KDM6A: variants seen among roughly 807,000 people sequenced by gnomAD.
KDM6A encodes the protein lysine demethylase 6A, also known as lysine-specific demethylase 6A.
A neutral mutation model predicts 117.6 loss-of-function variants in KDM6A; 11 were observed. That is an observed-to-expected ratio of 0.09 (90% confidence interval 0.06 to 0.15). The LOEUF (loss-of-function observed/expected upper bound fraction) is 0.15, where lower values mean the gene tolerates loss of function less well. KDM6A is among the 10% of genes least tolerant of loss of function. The pLI, the probability that KDM6A is intolerant of heterozygous loss-of-function variation, is 1.00. For missense variants in KDM6A, 799 were observed against 1,077.3 expected, an observed-to-expected ratio of 0.74 and a Z score of 3.62; for synonymous variants, 384 against 396.1, an observed-to-expected ratio of 0.97 and a Z score of 0.36.
rs2046772552 is a variant in KDM6A, at chrX:45,111,698, A to G, written c.*287A>G. 7.3e-6 allele frequency: 2 copies of G among 272,269 alleles called. No homozygotes were observed. Among genetic ancestry groups the G allele is most frequent in the Admixed American group, 5.7e-5 (1 of 17,415 alleles). The allele number at this position is 272,269 out of a possible 1,213,427, so 22.4% of individuals were successfully genotyped here. A position where few individuals can be genotyped will look rare whatever the true frequency, so the allele number is the denominator to read the frequency against. On this transcript the variant is annotated 3_prime_UTR_variant, in exon 30 of 30. Transcript: ENST00000611820. ...CTTACAGACTACTGACTTGAAGACA[A>G]CCTCTTTTATATTTCTCTATTTCTG...
chrX:45,021,818 G>T (rs1414531965), intron 6 of KDM6A, among the ~76,000 whole-genome samples: 2 of 111,777 alleles, frequency 1.8e-5, no homozygotes, highest in African/African-American at 6.5e-5. Context: ...CAGGGTAAGT[G>T]CAGGGTGCAG....
At chrX:44,932,687 C>T (rs1007632345) in intron 2 of KDM6A, among the ~76,000 whole-genome samples, 2 of 110,667 alleles carry the variant, frequency 1.8e-5, no homozygotes, top group South Asian at 3.8e-4. Flanking sequence ...ATTTATTAAG[C>T]CCCTTATTCA....
chrX:44,923,637 C>T (rs746405754), intron 2 of KDM6A, among the ~76,000 whole-genome samples: 2 of 104,408 alleles, frequency 1.9e-5, no homozygotes, highest in Non-Finnish European at 3.9e-5. Context: ...CTACACTTCC[C>T]GGGTTTGAGC....
intron 2 of KDM6A, among the ~76,000 whole-genome samples, chrX:44,874,364 A>G (rs2031246288): frequency 9.0e-6 from 1 of 111,274 alleles, no homozygotes; most frequent in Admixed American, 9.6e-5. Flanking sequence ...ACTTGCCTCT[A>G]CGGGTTTAAA....
chrX:44,965,529 A>G (rs2038964006), intron 3 of KDM6A, among the ~76,000 whole-genome samples: 1 of 111,681 alleles, frequency 9.0e-6, no homozygotes, highest in African/African-American at 3.3e-5. Flanking sequence ...CAATGTTGTC[A>G]TGTATTAGGG....
chrX:45,030,193 A>AT (rs775083717), intron 6 of KDM6A, among the ~76,000 whole-genome samples: 2 of 109,856 alleles, frequency 1.8e-5, no homozygotes, highest in Admixed American at 1.9e-4. Context: ...TACCTGAGGG[A>AT]TATCAGATAT....
chrX:44,932,819 G>A (rs975469863), intron 2 of KDM6A, among the ~76,000 whole-genome samples: 8 of 111,002 alleles, frequency 7.2e-5, no homozygotes, highest in African/African-American at 1.3e-4. Flanking sequence ...GCAGTTTTTC[G>A]TAGTCTCAGA....
At chrX:45,097,719 G>T (rs1236537707) in intron 27 of KDM6A, among the ~76,000 whole-genome samples, 1 of 111,630 alleles carries the variant, frequency 9.0e-6, no homozygotes, top group East Asian at 2.8e-4. Context: ...AAGCAAATCA[G>T]TATCACTCTT....
chrX:45,077,029 G>C (rs1326900709), intron 19 of KDM6A, among the ~76,000 whole-genome samples: 1 of 110,754 alleles, frequency 9.0e-6, no homozygotes, highest in African/African-American at 3.3e-5. Flanking sequence ...TATTAACTGT[G>C]ATGATATTAG....
intron 27 of KDM6A, chrX:45,106,741 CTAAGTA>C (rs1413372493): frequency 6.8e-6 from 2 of 293,614 alleles, no homozygotes; most frequent in Non-Finnish European, 6.7e-6. Flanking sequence ...TGTTAGCATC[CTAAGTA>C]TGAGTTTAGA....
At chrX:45,004,377 T>C (rs1357769184) in intron 4 of KDM6A, among the ~76,000 whole-genome samples, 1 of 111,580 alleles carries the variant, frequency 9.0e-6, no homozygotes, top group African/African-American at 3.3e-5. Context: ...TTGTCTTTTG[T>C]TTCTGTTTTT....
At chrX:45,087,304 A>T (rs1163551275) in intron 25 of KDM6A, among the ~76,000 whole-genome samples, 1 of 113,353 alleles carries the variant, frequency 8.8e-6, no homozygotes, top group Non-Finnish European at 1.9e-5. Context: ...CTAACTTCTA[A>T]TTTCTTACTT....
chrX:44,974,436 C>T (rs2039520139), intron 3 of KDM6A, among the ~76,000 whole-genome samples: 1 of 110,473 alleles, frequency 9.1e-6, no homozygotes, highest in African/African-American at 3.3e-5. Flanking sequence ...TGAGGAAGGT[C>T]GAGTTGATCT....
intron 27 of KDM6A, among the ~76,000 whole-genome samples, chrX:45,096,090 G>A (rs2046095464): frequency 9.0e-6 from 1 of 110,797 alleles, no homozygotes. Flanking sequence ...TTGAGCATAC[G>A]AATTATAGGC....
intron 2 of KDM6A, among the ~76,000 whole-genome samples, chrX:44,916,706 C>T (rs887458758): frequency 4.5e-5 from 5 of 110,174 alleles, no homozygotes; most frequent in African/African-American, 1.3e-4. Flanking sequence ...AGTGCAGTGG[C>T]GTGATCATGG....
chrX:44,961,209 A>G lies in KDM6A; in HGVS notation c.226-75A>G, dbSNP rs183693427. 1.4e-3 allele frequency: 991 copies of G among 693,435 alleles called. 10 individuals are homozygous for G. In the East Asian group the frequency reaches 0.031, roughly 22 times the overall value. 57.1% of individuals were successfully genotyped at this position (693,435 alleles called of 1,213,427 possible). On this transcript the variant is annotated intron_variant, in intron 2 of 29. Transcript: ENST00000611820. ...TCTTAGGTGATCGAATGGAGGCTAT[A>G]TGCATTATCTTGGGGAGGAAATGTA...
At chrX:45,052,772 A>G (rs930537732) in intron 9 of KDM6A, among the ~76,000 whole-genome samples, 4 of 111,730 alleles carry the variant, frequency 3.6e-5, no homozygotes, top group African/African-American at 1.3e-4. Flanking sequence ...TCATAACTGC[A>G]GCCTCAAACT....
intron 2 of KDM6A, among the ~76,000 whole-genome samples, chrX:44,899,651 A>G (rs2034202090): frequency 9.2e-6 from 1 of 109,211 alleles, no homozygotes; most frequent in Admixed American, 9.8e-5. Context: ...TTGCCTTATT[A>G]CTCCTCAAAT....
At chrX:45,059,530 A>G (rs1303500194) in intron 12 of KDM6A, 64 bp downstream of exon 12, 2 of 823,279 alleles carry the variant, frequency 2.4e-6, no homozygotes, top group African/African-American at 4.1e-5. Context: ...AGGCAGAAGG[A>G]GGGTGGCTGG....
Sources: gnomAD v4.1 joint callset for allele counts (sites outside exome capture counted in the v4.1 genomes callset) on GRCh38, gnomAD v4.1.1 for gene constraint, MANE v1.5 for transcripts, NCBI Gene and HGNC (gene_info 2026-07-23, HGNC 2026-07-21) for gene names.